The following FGD5 variants were observed in gnomAD, a reference collection of about 807,000 sequenced individuals.
The protein encoded by FGD5 is FYVE, RhoGEF and PH domain-containing protein 5.
Under a neutral mutation model 133.4 loss-of-function variants are expected in FGD5, and 28 were observed. The observed-to-expected ratio is 0.21, with a 90% CI of 0.16 to 0.29. FGD5 has a LOEUF of 0.29. Among genes scored for constraint, FGD5 ranks in the 10% least tolerant of loss-of-function variants. FGD5 has a pLI of 1.00. For missense variants in FGD5, 1,858 were observed against 1,895.2 expected, an observed-to-expected ratio of 0.98 and a Z score of 0.36; for synonymous variants, 810 against 776.5, an observed-to-expected ratio of 1.04 and a Z score of -0.72.
chr3:14,888,362 G>A (rs2037963596), intron 4 of FGD5, among the ~76,000 whole-genome samples: 1 of 152,128 alleles, frequency 6.6e-6, no homozygotes, highest in African/African-American at 2.4e-5. Flanking sequence ...GAAACATACA[G>A]GATACGTGAA....
intron 1 of FGD5, among the ~76,000 whole-genome samples, chr3:14,857,704 C>A (rs2037311090): frequency 1.3e-5 from 2 of 152,088 alleles, no homozygotes; most frequent in African/African-American, 2.4e-5. Context: ...CAGAAAGATA[C>A]CAGCTGATGG....
At chr3:14,812,600 T>G (rs2036310678) in intron 1 of FGD5, among the ~76,000 whole-genome samples, 1 of 152,090 alleles carries the variant, frequency 6.6e-6, no homozygotes, top group East Asian at 1.9e-4. Flanking sequence ...TTTTTCAATG[T>G]GATGGTAATG....
chr3:14,872,786 G>A (rs1474012753), intron 2 of FGD5, among the ~76,000 whole-genome samples: 2 of 152,206 alleles, frequency 1.3e-5, no homozygotes, highest in East Asian at 3.8e-4. Flanking sequence ...CTTATTAGGA[G>A]AAAGTCATAG....
rs140023869 is a variant in FGD5, at chr3:14,820,033, C to G, written c.962C>G (p.Ala321Gly). 2.0e-4 allele frequency: 319 copies of G among 1,613,996 alleles called. 2 individuals are homozygous for G. In the African/African-American group the frequency reaches 3.9e-3, roughly 20 times the overall value. ...GAGGACCATGCACAGGATGAGTCCG[C>G]CGAGGAGAGCTGCCAGATTGTCCCT... is the stretch of plus-strand genomic sequence containing the variant. ...TLEDHAQDES[A>G]EESCQIVPFE... The change falls in exon 1 of 20, where the codon GCC becomes GGC. Residue 321 changes from alanine to glycine, a missense_variant. Ala to Gly is a moderately conservative substitution (Grantham distance 60). Coordinates refer to ENST00000285046, the MANE Select transcript of FGD5 (RefSeq NM_152536.4).
chr3:14,912,025 G>A (rs2038458777), intron 11 of FGD5, among the ~76,000 whole-genome samples: 1 of 151,990 alleles, frequency 6.6e-6, no homozygotes, highest in Non-Finnish European at 1.5e-5. Flanking sequence ...GAGGATAGAG[G>A]CATGAGGAGT....
intron 18 of FGD5, among the ~76,000 whole-genome samples, chr3:14,928,079 C>T (rs1057191755): frequency 6.6e-6 from 1 of 151,746 alleles, no homozygotes; most frequent in Non-Finnish European, 1.5e-5. Flanking sequence ...GTAGCTGGGA[C>T]TACAGGCGCC....
At chr3:14,911,655 G>C (rs557152226) in intron 11 of FGD5, among the ~76,000 whole-genome samples, 1 of 151,718 alleles carries the variant, frequency 6.6e-6, no homozygotes, top group Non-Finnish European at 1.5e-5. Context: ...TGAGCACCTC[G>C]TGTGTGCTGG....
intron 1 of FGD5, among the ~76,000 whole-genome samples, chr3:14,834,621 T>C (rs991340245): frequency 1.4e-4 from 21 of 152,218 alleles, no homozygotes; most frequent in African/African-American, 5.1e-4. Context: ...ATAAGAGCTA[T>C]CTGTCAGGTA....
chr3:14,932,628 G>C lies in FGD5; in HGVS notation c.4249G>C (p.Glu1417Gln). The change falls in exon 19 of 20, where the codon GAA becomes CAA. Residue 1417 changes from glutamate to glutamine, a missense_variant. Glu to Gln is a conservative substitution (Grantham distance 29). This residue lies in a region of FGD5 where 1,824 missense variants were observed against 1,848.9 expected (regional missense o/e 0.99). Transcript: ENST00000285046. The part of the protein sequence containing the change: ...MPLLGFTIAP[E>Q]KEEGSSEVGP... ...TCTGCTAGGCTTCACCATTGCTCCA[G>C]AAAAGGAAGAGGGCAGCAGTGAAGT... 1 of 1,614,026 alleles carries C rather than the reference G, an allele frequency of 6.2e-7. No homozygotes were observed. Among genetic ancestry groups the C allele is most frequent in the Non-Finnish European group, 8.5e-7 (1 of 1,179,868 alleles).
upstream of FGD5, among the ~76,000 whole-genome samples, chr3:14,814,919 A>C (rs568785539): frequency 9.3e-4 from 142 of 152,150 alleles, 1 homozygote; most frequent in Non-Finnish European, 1.2e-3. Context: ...CCCCACATTC[A>C]TATGGTCAGC....
chr3:14,872,183 G>A (rs1405943930), intron 2 of FGD5, among the ~76,000 whole-genome samples: 3 of 152,194 alleles, frequency 2.0e-5, no homozygotes, highest in Admixed American at 2.0e-4. Flanking sequence ...CTTAACAGTT[G>A]AGTTGGAGAA....
At chr3:14,874,966 GCCT>G (rs941566533) in intron 2 of FGD5, among the ~76,000 whole-genome samples, 31 of 152,040 alleles carry the variant, frequency 2.0e-4, no homozygotes, top group African/African-American at 7.2e-4. Context: ...ACTCTCCTCC[GCCT>G]CCTCTTCCTG....
chr3:14,919,482 G>T (rs968986852), intron 13 of FGD5, among the ~76,000 whole-genome samples: 4 of 152,314 alleles, frequency 2.6e-5, no homozygotes, highest in African/African-American at 9.6e-5. Context: ...GCCGGGCGTG[G>T]TGGCAGGCAC....
chr3:14,851,555 A>T (rs531933057), intron 1 of FGD5, among the ~76,000 whole-genome samples: 53 of 152,350 alleles, frequency 3.5e-4, no homozygotes, highest in African/African-American at 1.3e-3. Flanking sequence ...TGCCAGCATC[A>T]CTACCTCAGG....
In FGD5 at chr3:14,830,089, G is replaced by A. The variant is rs565907329; in HGVS notation, c.2525+8493G>A. 5.9e-5 allele frequency among the ~76,000 whole-genome samples: 9 copies of A among 152,316 alleles called. 1 individual carries two copies. The highest frequency in any genetic ancestry group is 1.7e-4 in the African/African-American group (7 of 41,560). Reference sequence around the variant, plus strand: ...GTGGCTGGATTTTTGGCATATCCTAGCTGTGGTATTCACTGGTATCTTTAT... The same window carrying A: ...GTGGCTGGATTTTTGGCATATCCTAACTGTGGTATTCACTGGTATCTTTAT... On this transcript the variant is annotated intron_variant, in intron 1 of 19. Coordinates refer to ENST00000285046, the MANE Select transcript of FGD5 (RefSeq NM_152536.4).
intron 11 of FGD5, among the ~76,000 whole-genome samples, chr3:14,914,046 AGTCT>A (rs1422479786): frequency 4.6e-5 from 7 of 152,180 alleles, no homozygotes; most frequent in Admixed American, 3.3e-4. Context: ...TCAGCCCCAC[AGTCT>A]GAAGCTGGGT....
intron 13 of FGD5, 96 bp downstream of exon 13, chr3:14,918,929 T>G: frequency 7.4e-7 from 1 of 1,349,960 alleles, no homozygotes; most frequent in South Asian, 1.2e-5. Context: ...TTTATTTTGG[T>G]ATCCTTCTGG....
At chr3:14,911,449 T>C (rs1394335471) in intron 11 of FGD5, among the ~76,000 whole-genome samples, 1 of 152,102 alleles carries the variant, frequency 6.6e-6, no homozygotes, top group Admixed American at 6.5e-5. Context: ...TCCTGAGACC[T>C]CCAAGTGGCC....
chr3:14,829,124 A>G (rs1240877368), intron 1 of FGD5, among the ~76,000 whole-genome samples: 1 of 152,094 alleles, frequency 6.6e-6, no homozygotes, highest in Non-Finnish European at 1.5e-5. Context: ...GCAGGAGTTC[A>G]TGATGGAGAC....
Sources: allele counts gnomAD v4.1 joint callset (sites outside exome capture counted in the v4.1 genomes callset), GRCh38; gene constraint gnomAD v4.1.1; regional missense constraint gnomAD v4.1.1; transcripts MANE v1.5; gene names NCBI Gene and HGNC (gene_info 2026-07-23, HGNC 2026-07-21).